The following HHIP variants were observed in gnomAD, a reference collection of about 807,000 sequenced individuals.
HHIP encodes the protein hedgehog interacting protein.
Under a neutral mutation model 74.0 loss-of-function variants are expected in HHIP, and 12 were observed. The ratio of observed to expected loss-of-function variants is 0.16; its 90% CI spans 0.10 to 0.26. HHIP has a LOEUF of 0.26. Ranked by LOEUF, HHIP falls within the 10% of genes least tolerant of loss-of-function variation. The pLI, the probability that HHIP is intolerant of heterozygous loss-of-function variation, is 1.00. For missense variants in HHIP, 788 were observed against 845.0 expected, an observed-to-expected ratio of 0.93 and a Z score of 0.84; for synonymous variants, 309 against 311.6, an observed-to-expected ratio of 0.99 and a Z score of 0.09.
chr4:144,693,235 GT>G (rs139062082), intron 4 of HHIP, among the ~76,000 whole-genome samples: 2 of 148,878 alleles, frequency 1.3e-5, no homozygotes. Context: ...TTTTCCATCA[GT>G]TTTTTTTTTC....
chr4:144,683,322 G>T (rs573120172), intron 4 of HHIP, among the ~76,000 whole-genome samples: 18 of 152,190 alleles, frequency 1.2e-4, no homozygotes, highest in African/African-American at 4.1e-4. Context: ...TTTTATATAA[G>T]AAATAAATAA....
At chr4:144,712,875 T>C (rs999315634) in intron 8 of HHIP, among the ~76,000 whole-genome samples, 2 of 135,698 alleles carry the variant, frequency 1.5e-5, no homozygotes, top group African/African-American at 5.3e-5. Flanking sequence ...GTTATTTTAC[T>C]TTTTTTTCAG....
chr4:144,678,179 C>T (rs1474242045), intron 4 of HHIP, among the ~76,000 whole-genome samples: 3 of 152,122 alleles, frequency 2.0e-5, no homozygotes, highest in Non-Finnish European at 2.9e-5. Flanking sequence ...CTGTAATTTG[C>T]ATCTAAAACT....
chr4:144,687,299 G>A (rs575169579), intron 4 of HHIP, among the ~76,000 whole-genome samples: 7 of 152,192 alleles, frequency 4.6e-5, no homozygotes, highest in South Asian at 4.2e-4. Flanking sequence ...GGAGTGACTC[G>A]GGGAAAAGTG....
At chr4:144,726,929 G>T (rs985759889) in intron 11 of HHIP, among the ~76,000 whole-genome samples, 6 of 152,102 alleles carry the variant, frequency 3.9e-5, no homozygotes, top group Admixed American at 3.9e-4. Flanking sequence ...CTCCTGAAGC[G>T]ACCTCCAGCT....
rs779279595 is a variant in HHIP at position 144,711,959 on chromosome 4, G to T, written c.1311G>T (p.Val437=). Residue 437 remains valine, a synonymous_variant, in exon 8 of 13, where the codon GTG becomes GTT. Transcript: ENST00000296575. The part of the protein sequence containing the change: ...HGLHDPGRCA[V]DRHPTDININ... ...CCCTCTTGTTATGCAGATGTGCTGT[G>T]GATAGACATCCCACTGATATAAACA... 6.2e-7 allele frequency: 1 copy of T among 1,611,972 alleles called. No individual in the cohort carries two copies.
rs1049841973 is a variant in HHIP, at chr4:144,687,425, G to A, written c.832-19106G>A. 5.3e-5 allele frequency among the ~76,000 whole-genome samples: 8 copies of A among 152,248 alleles called. No homozygotes were observed. In the South Asian group the frequency reaches 1.5e-3, roughly 28 times the overall value. On this transcript the variant is annotated intron_variant, in intron 4 of 12. Transcript: ENST00000296575. ...GCTTTGGTTTAGAGTATACATTAAT[G>A]CATTAACTCTAGGCTAGTACAGAGC... is the stretch of plus-strand genomic sequence containing the variant.
intron 4 of HHIP, among the ~76,000 whole-genome samples, chr4:144,663,425 C>G (rs544934839): frequency 2.0e-5 from 3 of 152,270 alleles, no homozygotes; most frequent in South Asian, 2.1e-4. Context: ...ACTGATGTAG[C>G]CTGAGCCAAA....
At chr4:144,699,010 C>T (rs940554117) in intron 4 of HHIP, among the ~76,000 whole-genome samples, 15 of 152,138 alleles carry the variant, frequency 9.9e-5, no homozygotes, top group African/African-American at 3.4e-4. Flanking sequence ...GAGAGGTTTA[C>T]TCTCACACCC....
Position 144,652,714 on chromosome 4 carries a change from T to C in HHIP, c.389T>C (p.Val130Ala). 6.2e-7 allele frequency: 1 copy of C among 1,612,852 alleles called. No individual in the cohort carries two copies. Among genetic ancestry groups the C allele is most frequent in the East Asian group, 2.2e-5 (1 of 44,852 alleles). Reference protein sequence around the residue: ...QSLFHSPEREVLERDLVLPLL... With the variant: ...QSLFHSPEREALERDLVLPLL... ...CTGTTCCACTCACCTGAGAGAGAAG[T>C]CTTGGAAAGAGACCTAGTACTTCCT... Residue 130 changes from valine (V) to alanine (A), a missense_variant, in exon 2 of 13, where the codon GTC (valine) becomes GCC (alanine). Around this residue, in one of 3 missense-constraint regions of HHIP, gnomAD observed 373 missense variants for 366.4 expected, o/e 1.02. Transcript: ENST00000296575.
chr4:144,682,509 C>T (rs1228022173), intron 4 of HHIP, among the ~76,000 whole-genome samples: 1 of 152,156 alleles, frequency 6.6e-6, no homozygotes. Flanking sequence ...TTCAATTTTC[C>T]TGTAAACTTG....
In HHIP at chr4:144,646,754, G is replaced by A. The variant is rs756314080; in HGVS notation, c.79G>A (p.Glu27Lys). 2 of 1,614,198 alleles carry A rather than the reference G, an allele frequency of 1.2e-6. No homozygotes were observed. Among genetic ancestry groups the A allele is most frequent in the South Asian group, 2.2e-5 (2 of 91,080 alleles). ...CTTTGAAGGAGATGCTAAGTTTGGGGAAAGAAACGAAGGGAGCGGAGCAAG... is the reference window on the plus strand; with the variant it reads ...CTTTGAAGGAGATGCTAAGTTTGGGAAAAGAAACGAAGGGAGCGGAGCAAG... The part of the protein sequence containing the change: ...GFFEGDAKFG[E>K]RNEGSGARRR... Residue 27 changes from glutamate (E) to lysine (K), a missense_variant, in exon 1 of 13, where the codon GAA becomes AAA. Coordinates refer to ENST00000296575, the MANE Select transcript of HHIP (RefSeq NM_022475.3).
chr4:144,691,509 A>G (rs1252877347), intron 4 of HHIP, among the ~76,000 whole-genome samples: 1 of 152,108 alleles, frequency 6.6e-6, no homozygotes, highest in Non-Finnish European at 1.5e-5. Context: ...TGCTTTTTTA[A>G]CCATTTGATG....
At chr4:144,717,166 T>C (rs1056051854) in intron 10 of HHIP, among the ~76,000 whole-genome samples, 5 of 152,216 alleles carry the variant, frequency 3.3e-5, no homozygotes, top group Non-Finnish European at 4.4e-5. Flanking sequence ...TACATTTTAA[T>C]GTGAAACTCG....
chr4:144,659,049 A>C (rs1048751673), intron 3 of HHIP, 103 bp downstream of exon 3: 1 of 891,358 alleles, frequency 1.1e-6, no homozygotes, highest in Admixed American at 2.8e-5. Flanking sequence ...TTCAGCAGCT[A>C]TATCCTCCAG....
intron 4 of HHIP, among the ~76,000 whole-genome samples, chr4:144,675,388 A>T (rs1729144307): frequency 2.0e-5 from 3 of 152,114 alleles, no homozygotes; most frequent in Non-Finnish European, 4.4e-5. Flanking sequence ...TCATTACGAG[A>T]AAGTTTTTAT....
intron 4 of HHIP, among the ~76,000 whole-genome samples, chr4:144,702,763 T>C (rs924960244): frequency 1.6e-4 from 24 of 152,128 alleles, no homozygotes; most frequent in African/African-American, 5.6e-4. Flanking sequence ...AGCTTTCAGT[T>C]TGGTTCTAGC....
chr4:144,652,691 G>T lies in HHIP; in HGVS notation c.366G>T (p.Leu122=). Residue 122 remains leucine, a synonymous_variant, in exon 2 of 13, where the codon CTG becomes CTT. Transcript: ENST00000296575. ...CALCSPHSQS[L]FHSPEREVLE... ...TTTGCTCTCCACATTCTCAAAGCCT[G>T]TTCCACTCACCTGAGAGAGAAGTCT... The T allele has an allele frequency of 1.2e-6, 2 of 1,611,428 alleles. No homozygotes were observed. Among genetic ancestry groups the T allele is most frequent in the Non-Finnish European group, 1.7e-6 (2 of 1,177,662 alleles).
At chr4:144,675,470 C>T (rs1014992781) in intron 4 of HHIP, among the ~76,000 whole-genome samples, 4 of 151,796 alleles carry the variant, frequency 2.6e-5, no homozygotes, top group Admixed American at 6.6e-5. Flanking sequence ...GGATTAAAAA[C>T]CCTTATTTGG....
Sources: allele counts gnomAD v4.1 joint callset (sites outside exome capture counted in the v4.1 genomes callset), GRCh38; gene constraint gnomAD v4.1.1; regional missense constraint gnomAD v4.1.1; transcripts MANE v1.5; gene names NCBI Gene and HGNC (gene_info 2026-07-23, HGNC 2026-07-21).